PRKCB: variants seen among roughly 807,000 people sequenced by gnomAD.
The protein encoded by PRKCB is protein kinase C beta type.
A neutral mutation model predicts 81.5 loss-of-function variants in PRKCB; 13 were observed. The observed-to-expected ratio is 0.16, with a 90% CI of 0.10 to 0.25. The LOEUF is 0.25. Ranked by LOEUF, PRKCB falls within the 10% of genes least tolerant of loss-of-function variation. The pLI, the probability that PRKCB is intolerant of heterozygous loss-of-function variation, is 1.00. For synonymous variants in PRKCB, 335 were observed against 321.4 expected (o/e 1.04, Z -0.45); for missense variants, 509 against 875.7 (o/e 0.58, Z 5.29).
At chr16:23,883,895 A>G (rs574423403) in intron 2 of PRKCB, among the ~76,000 whole-genome samples, 13 of 152,206 alleles carry the variant, frequency 8.5e-5, no homozygotes, top group Non-Finnish European at 1.8e-4. Context: ...TGTTCTTAGC[A>G]ATCACATTAA....
chr16:23,972,261 G>A (rs1167591162), intron 2 of PRKCB, among the ~76,000 whole-genome samples: 2 of 152,182 alleles, frequency 1.3e-5, no homozygotes, highest in African/African-American at 4.8e-5. Flanking sequence ...CAGGCTGGGG[G>A]TGTGTACAGG....
At position 24,219,334 on chromosome 16, in the gene PRKCB, C is replaced by CCAGAT. The variant is rs3216342; in HGVS notation, c.*4518_*4519insCAGAT. 1.4e-5 allele frequency: 14 copies of CCAGAT among 984,784 alleles called. No homozygotes were observed. The South Asian group carries it at 6.1e-4, about 43-fold the overall frequency. 61.0% of individuals were successfully genotyped at this position (984,784 alleles called of 1,614,324 possible). A position where few individuals can be genotyped will look rare whatever the true frequency, so the allele number is the denominator to read the frequency against. ...GGTTTTCTCTCTTATAGTTTGTTGACACATGCTAAAAATGTCTTTGGAGAG... is the reference window on the plus strand; with the variant it reads ...GGTTTTCTCTCTTATAGTTTGTTGACCAGATACATGCTAAAAATGTCTTTGGAGAG... On this transcript the variant is annotated 3_prime_UTR_variant, in exon 17 of 17. Coordinates refer to ENST00000643927, the MANE Select transcript of PRKCB (RefSeq NM_002738.7).
chr16:24,192,213 G>A (rs1967804011), intron 16 of PRKCB, among the ~76,000 whole-genome samples: 1 of 152,248 alleles, frequency 6.6e-6, no homozygotes, highest in Non-Finnish European at 1.5e-5. Flanking sequence ...TGACATCAGA[G>A]GGTTGTTATG....
intron 9 of PRKCB, among the ~76,000 whole-genome samples, chr16:24,130,529 G>T (rs1025335640): frequency 6.6e-6 from 1 of 152,138 alleles, no homozygotes; most frequent in Non-Finnish European, 1.5e-5. Flanking sequence ...TTTTATTAGG[G>T]TAGATTCATC....
intron 9 of PRKCB, among the ~76,000 whole-genome samples, chr16:24,133,970 G>A (rs1042205227): frequency 4.0e-5 from 6 of 149,810 alleles, no homozygotes; most frequent in African/African-American, 1.2e-4. Flanking sequence ...ACCATGGTTC[G>A]CTGCAGCTTC....
At chr16:23,865,497 ATATATATATATATATATATATGTG>A (rs1962767831) in intron 2 of PRKCB, among the ~76,000 whole-genome samples, 2 of 14,128 alleles carry the variant, frequency 1.4e-4, no homozygotes, top group Non-Finnish European at 2.4e-4. Context: ...ATATATATAT[ATATATATATATATATATATATGTG>A]TGTGTGTGTG....
intron 5 of PRKCB, among the ~76,000 whole-genome samples, chr16:24,078,534 A>G (rs1017280546): frequency 1.3e-5 from 2 of 152,214 alleles, no homozygotes; most frequent in Non-Finnish European, 2.9e-5. Flanking sequence ...TATGGGGGGC[A>G]GGTTTACTCT....
chr16:24,167,096 T>G (rs945606084), intron 10 of PRKCB, among the ~76,000 whole-genome samples: 2 of 151,578 alleles, frequency 1.3e-5, no homozygotes, highest in African/African-American at 4.9e-5. Context: ...TTGGTTCTCT[T>G]CAACGTGCAG....
intron 2 of PRKCB, among the ~76,000 whole-genome samples, chr16:23,863,305 G>T (rs1372468875): frequency 6.7e-6 from 1 of 148,654 alleles, no homozygotes. Context: ...ACCTAGGGTG[G>T]ACGTGCTCCT....
At chr16:24,163,630 A>C (rs1967298764) in intron 10 of PRKCB, among the ~76,000 whole-genome samples, 1 of 152,272 alleles carries the variant, frequency 6.6e-6, no homozygotes, top group South Asian at 2.1e-4. Flanking sequence ...AAGCTAGAGG[A>C]GCATCAATTG....
intron 9 of PRKCB, among the ~76,000 whole-genome samples, chr16:24,124,389 G>T (rs917239948): frequency 1.3e-5 from 2 of 152,150 alleles, no homozygotes. Context: ...GCAGAGATAA[G>T]CAGGGCCCAA....
intron 5 of PRKCB, among the ~76,000 whole-genome samples, chr16:24,075,978 C>T (rs1347810658): frequency 2.0e-5 from 3 of 152,030 alleles, no homozygotes; most frequent in African/African-American, 7.3e-5. Flanking sequence ...TTCTAGGGTA[C>T]GTGTGCACAA....
rs895583492 is a variant in PRKCB, at chr16:23,939,192, C to T, written c.206-49316C>T. Among the ~76,000 whole-genome samples, 5 of 152,070 alleles carry T rather than the reference C, an allele frequency of 3.3e-5. No individual in the cohort carries two copies. In the South Asian group the frequency reaches 1.0e-3, roughly 32 times the overall value. ...TAAATCCAACAAAACATTTGCAGGA[C>T]TTATGTACTGAAAACTGTAAAATGT... is the stretch of plus-strand genomic sequence containing the variant. On this transcript the variant is annotated intron_variant, in intron 2 of 16. Coordinates refer to ENST00000643927, the MANE Select transcript of PRKCB (RefSeq NM_002738.7).
intron 2 of PRKCB, among the ~76,000 whole-genome samples, chr16:23,869,705 T>A (rs534280604): frequency 6.6e-5 from 10 of 152,308 alleles, no homozygotes; most frequent in African/African-American, 2.4e-4. Context: ...TATCATCGTA[T>A]AAATAGAAAA....
intron 7 of PRKCB, 130 bp from the exon 8 acceptor site, chr16:24,112,841 AAC>A: frequency 1.6e-6 from 1 of 628,522 alleles, no homozygotes; most frequent in Non-Finnish European, 2.7e-6. Context: ...AACAAACCAA[AAC>A]AAACCAAAAA....
At chr16:23,836,774 G>GGGGA (rs1477168029) in intron 1 of PRKCB, among the ~76,000 whole-genome samples, 1 of 151,368 alleles carries the variant, frequency 6.6e-6, no homozygotes, top group Non-Finnish European at 1.5e-5. Flanking sequence ...TTTCCGGGGG[G>GGGGA]GGCGGCGCCC....
At chr16:24,203,901 G>A (rs1270081793) in intron 16 of PRKCB, among the ~76,000 whole-genome samples, 1 of 152,064 alleles carries the variant, frequency 6.6e-6, no homozygotes, top group Non-Finnish European at 1.5e-5. Context: ...GAGCCCCAGG[G>A]CCTGGCTTTG....
chr16:23,913,275 G>T (rs1212104064), intron 2 of PRKCB, among the ~76,000 whole-genome samples: 5 of 151,968 alleles, frequency 3.3e-5, no homozygotes, highest in African/African-American at 1.2e-4. Flanking sequence ...CTGTCTTCCA[G>T]TTCCCAGTTC....
At chr16:23,945,646 C>T (rs1478178557) in intron 2 of PRKCB, among the ~76,000 whole-genome samples, 1 of 151,778 alleles carries the variant, frequency 6.6e-6, no homozygotes, top group African/African-American at 2.4e-5. Context: ...GGTGGAAAGT[C>T]CTACTGATTT....
Sources: allele counts gnomAD v4.1 joint callset (sites outside exome capture counted in the v4.1 genomes callset), GRCh38; gene constraint gnomAD v4.1.1; transcripts MANE v1.5; gene names NCBI Gene and HGNC (gene_info 2026-07-23, HGNC 2026-07-21).